The following RAB31 variants were observed in gnomAD, a reference collection of about 807,000 sequenced individuals.
RAB31 encodes the protein ras-related protein Rab-31.
Under a neutral mutation model 25.6 loss-of-function variants are expected in RAB31, and 21 were observed. That is an observed-to-expected ratio of 0.82 (90% CI 0.58 to 1.18). The LOEUF (loss-of-function observed/expected upper bound fraction) is 1.18. Ranked by LOEUF, RAB31 falls within the 50% of genes most tolerant of loss-of-function variation. The pLI is 0.00. For synonymous variants in RAB31, 87 were observed against 84.0 expected (o/e 1.04, Z -0.20); for missense variants, 196 against 250.1 (o/e 0.78, Z 1.46).
At chr18:9,846,155 G>T (rs1428261433) in intron 6 of RAB31, among the ~76,000 whole-genome samples, 1 of 152,140 alleles carries the variant, frequency 6.6e-6, no homozygotes, top group Non-Finnish European at 1.5e-5. Flanking sequence ...ATTGGGAATT[G>T]GATACAGGGT....
intron 6 of RAB31, among the ~76,000 whole-genome samples, chr18:9,853,341 T>C (rs951034367): frequency 6.6e-6 from 1 of 152,140 alleles, no homozygotes; most frequent in African/African-American, 2.4e-5. Flanking sequence ...TAATGGAATA[T>C]TATAAGGGAT....
At chr18:9,770,091 CA>C in intron 1 of RAB31, among the ~76,000 whole-genome samples, 1 of 152,138 alleles carries the variant, frequency 6.6e-6, no homozygotes, top group East Asian at 1.9e-4. Flanking sequence ...TTCAGTTTGC[CA>C]GTATTTTATT....
At chr18:9,809,131 A>G (rs2068557542) in intron 3 of RAB31, among the ~76,000 whole-genome samples, 1 of 152,228 alleles carries the variant, frequency 6.6e-6, no homozygotes, top group Non-Finnish European at 1.5e-5. Flanking sequence ...CACTACACGG[A>G]AGGCGAGAGC....
intron 2 of RAB31, among the ~76,000 whole-genome samples, chr18:9,790,317 C>T (rs1378781520): frequency 6.6e-6 from 1 of 152,066 alleles, no homozygotes; most frequent in Non-Finnish European, 1.5e-5. Context: ...CCTCAGACTC[C>T]TGGGTTCAAG....
intron 5 of RAB31, among the ~76,000 whole-genome samples, chr18:9,843,312 A>G (rs2068743414): frequency 1.3e-5 from 2 of 152,176 alleles, no homozygotes; most frequent in South Asian, 4.1e-4. Flanking sequence ...TGGGAGGCTG[A>G]GGCAGGCGGA....
At chr18:9,803,901 C>CT (rs1450586239) in intron 3 of RAB31, among the ~76,000 whole-genome samples, 1 of 152,240 alleles carries the variant, frequency 6.6e-6, no homozygotes, top group East Asian at 1.9e-4. Context: ...AAATAGGAAT[C>CT]TAGGTGCAGA....
intron 5 of RAB31, chr18:9,844,832 AGTTTT>A (rs10526414): frequency 0.08 from 11,950 of 149,236 alleles, 600 homozygotes; most frequent in Non-Finnish European, 0.11. Flanking sequence ...CGTTCAGGTG[AGTTTT>A]GTTTTGTTTT....
At chr18:9,747,923 G>A (rs1240306934) in intron 1 of RAB31, among the ~76,000 whole-genome samples, 3 of 152,110 alleles carry the variant, frequency 2.0e-5, no homozygotes, top group South Asian at 2.1e-4. Context: ...GTAGGAAGAG[G>A]GTTTAGATCA....
intron 2 of RAB31, chr18:9,785,164 A>C (rs2068425508): frequency 6.5e-6 from 1 of 153,864 alleles, no homozygotes; most frequent in Non-Finnish European, 1.5e-5. Context: ...TTTGAGGATG[A>C]GTGGGAATGC....
intron 2 of RAB31, among the ~76,000 whole-genome samples, chr18:9,775,943 C>T (rs1028269441): frequency 1.3e-5 from 2 of 152,084 alleles, no homozygotes; most frequent in East Asian, 1.9e-4. Flanking sequence ...TGCGCACCAC[C>T]ATGCCTGGCT....
intron 1 of RAB31, among the ~76,000 whole-genome samples, chr18:9,745,469 C>T (rs1433100624): frequency 3.9e-5 from 6 of 152,112 alleles, no homozygotes; most frequent in African/African-American, 1.4e-4. Flanking sequence ...CTGATGAAGC[C>T]TGACAAAGAT....
chr18:9,787,914 A>G (rs531291432), intron 2 of RAB31: 25 of 152,384 alleles, frequency 1.6e-4, no homozygotes, highest in African/African-American at 5.8e-4. Context: ...GAGGAGTCAG[A>G]TGAGGAATGA....
At chr18:9,845,228 T>G (rs1026793939) in intron 5 of RAB31, among the ~76,000 whole-genome samples, 30 of 152,188 alleles carry the variant, frequency 2.0e-4, no homozygotes, top group African/African-American at 7.0e-4. Flanking sequence ...AGGTTTGGTG[T>G]TTTTTAATAT....
intron 2 of RAB31, among the ~76,000 whole-genome samples, chr18:9,788,119 A>T (rs1000808813): frequency 6.6e-6 from 1 of 152,244 alleles, no homozygotes; most frequent in South Asian, 2.1e-4. Flanking sequence ...TTTACTATTT[A>T]TGACTTTCAA....
At chr18:9,824,597 C>T (rs1415112416) in intron 5 of RAB31, among the ~76,000 whole-genome samples, 1 of 152,198 alleles carries the variant, frequency 6.6e-6, no homozygotes, top group Non-Finnish European at 1.5e-5. Context: ...CCAACCTTGG[C>T]TCAGCCCACT....
intron 5 of RAB31, among the ~76,000 whole-genome samples, chr18:9,832,964 C>T (rs1040685090): frequency 1.3e-5 from 2 of 149,220 alleles, no homozygotes; most frequent in Non-Finnish European, 3.0e-5. Flanking sequence ...TACACTGCAC[C>T]GAGAACTCCC....
chr18:9,857,137 G>T (rs545438463), intron 6 of RAB31, among the ~76,000 whole-genome samples: 2 of 152,278 alleles, frequency 1.3e-5, no homozygotes, highest in East Asian at 3.9e-4. Context: ...AGCCACAGCT[G>T]CAGAAATTGT....
intron 1 of RAB31, among the ~76,000 whole-genome samples, chr18:9,716,437 T>C (rs2068044855): frequency 6.6e-6 from 1 of 152,222 alleles, no homozygotes. Flanking sequence ...AACTTTGACC[T>C]CTTGGAGCCT....
intron 1 of RAB31, chr18:9,722,796 C>G (rs933666306): frequency 2.0e-5 from 3 of 152,206 alleles, no homozygotes; most frequent in African/African-American, 7.2e-5. Flanking sequence ...TGGCAGGACT[C>G]TGGACAAGGA....
Sources: allele counts gnomAD v4.1 joint callset (sites outside exome capture counted in the v4.1 genomes callset), GRCh38; gene constraint gnomAD v4.1.1; transcripts MANE v1.5; gene names NCBI Gene and HGNC (gene_info 2026-07-23, HGNC 2026-07-21).